The following KCTD19 variants were observed in gnomAD, a reference collection of about 807,000 sequenced individuals.
KCTD19 encodes BTB/POZ domain-containing protein KCTD19.
KCTD19 carries 67 observed loss-of-function variants against 103.5 expected under a neutral mutation model. The ratio of observed to expected loss-of-function variants is 0.65; its 90% CI spans 0.53 to 0.79. The LOEUF (loss-of-function observed/expected upper bound fraction) is 0.79, where lower values mean the gene tolerates loss of function less well. KCTD19 is among the 30% of genes least tolerant of loss of function. The pLI, the probability that KCTD19 is intolerant of heterozygous loss-of-function variation, is 0.00. For synonymous variants in KCTD19, 439 were observed against 452.2 expected, an observed-to-expected ratio of 0.97 and a Z score of 0.37; for missense variants, 980 against 1,136.1, an observed-to-expected ratio of 0.86 and a Z score of 1.98.
intron 4 of KCTD19, 40 bp from the exon 5 acceptor site, chr16:67,301,962 A>G: frequency 6.2e-7 from 1 of 1,609,206 alleles, no homozygotes; most frequent in Non-Finnish European, 8.5e-7. Context: ...TAATGAGGCT[A>G]TTTCTGGTTT....
chr16:67,297,520 G>A lies in KCTD19; in HGVS notation c.1130C>T (p.Ala377Val), dbSNP rs2036778779. 2 of 1,614,056 alleles carry A rather than the reference G, an allele frequency of 1.2e-6. No homozygotes were observed. Among genetic ancestry groups the A allele is most frequent in the East Asian group, 4.5e-5 (2 of 44,878 alleles). Residue 377 changes from alanine (A) to valine (V), a missense_variant, in exon 7 of 16, where the codon GCA becomes GTA. Transcript: ENST00000304372. Reference sequence around the variant, plus strand: ...TCACTTACTGAGCACATCCATGGGTGCCAAAGTCCTTGGCTCCAGATGAGT... The same window carrying A: ...TCACTTACTGAGCACATCCATGGGTACCAAAGTCCTTGGCTCCAGATGAGT... ...LKTHLEPRTL[A>V]PMDVLNEWTA...
chr16:67,309,692 C>T (rs541915445), intron 2 of KCTD19, among the ~76,000 whole-genome samples: 4 of 152,194 alleles, frequency 2.6e-5, no homozygotes, highest in South Asian at 4.2e-4. Context: ...AAATTGGCCA[C>T]GTGGGAGAAG....
intron 5 of KCTD19, 64 bp from the exon 6 acceptor site, chr16:67,299,637 G>C: frequency 7.0e-7 from 1 of 1,422,234 alleles, no homozygotes; most frequent in Non-Finnish European, 9.7e-7. Context: ...TGGAGGCTTT[G>C]GGGCTCGGTT....
intron 2 of KCTD19, among the ~76,000 whole-genome samples, chr16:67,309,228 C>T (rs1263290814): frequency 6.6e-6 from 1 of 151,888 alleles, no homozygotes; most frequent in African/African-American, 2.4e-5. Flanking sequence ...GGGAGATCTC[C>T]AAAGAAGCGA....
chr16:67,299,598 T>G (rs370864703), intron 5 of KCTD19, 25 bp from the exon 6 acceptor site: 17 of 1,594,454 alleles, frequency 1.1e-5, no homozygotes, highest in Admixed American at 6.7e-5. Context: ...AAGGGGTGAC[T>G]CCTAGGCCCC....
chr16:67,305,936 G>A (rs2036888000), intron 2 of KCTD19, among the ~76,000 whole-genome samples: 1 of 152,150 alleles, frequency 6.6e-6, no homozygotes, highest in South Asian at 2.1e-4. Flanking sequence ...AAAGAAGGCG[G>A]GCCAGAGTGG....
At position 67,291,435 on chromosome 16, in the gene KCTD19, G is replaced by A; in HGVS notation, c.2439C>T (p.Ser813=). The part of the protein sequence containing the change: ...QEVTFLSFSL[S]WEEMFYAQKC... ...TCTGTGCATAAAACATCTCTTCCCA[G>A]GACAGAGAGAAACTCAGGAAAGTCA... The change falls in exon 14 of 16, where the codon TCC becomes TCT. Residue 813 remains serine, a synonymous_variant. Coordinates refer to ENST00000304372, the MANE Select transcript of KCTD19 (RefSeq NM_001100915.3). The A allele has an allele frequency of 6.2e-7, 1 of 1,614,092 alleles. No homozygotes were observed. The highest frequency in any genetic ancestry group is 8.5e-7 in the Non-Finnish European group (1 of 1,179,968).
At chr16:67,289,747 G>GAGAACCCCACCCACA in intron 15 of KCTD19, 65 bp from the exon 16 acceptor site, 1 of 1,255,424 alleles carries the variant, frequency 8.0e-7, no homozygotes, top group Non-Finnish European at 1.2e-6. Context: ...CTCCATGTGG[G>GAGAACCCCACCCACA]TGGGGTTCTC....
chr16:67,296,169 G>A lies in KCTD19; in HGVS notation c.1238C>T (p.Thr413Ile), dbSNP rs750569292. 1.9e-6 allele frequency: 3 copies of A among 1,605,878 alleles called. No homozygotes were observed. The highest frequency in any genetic ancestry group is 2.6e-6 in the Non-Finnish European group (3 of 1,172,584). Reference sequence around the variant, plus strand: ...CGAGGCCGTCAGTACCTTCAGCAGTGTCTGCAGGGTGGTTGCGTACCAGTG... The same window carrying A: ...CGAGGCCGTCAGTACCTTCAGCAGTATCTGCAGGGTGGTTGCGTACCAGTG... ...GSHWYATTLQ[T>I]LLKYPELLSN... Residue 413 changes from threonine (T) to isoleucine (I), a missense_variant, in exon 8 of 16, where the codon ACA becomes ATA. By Grantham distance (89) the Thr-to-Ile change is moderately conservative (BLOSUM62 -1). Coordinates refer to ENST00000304372, the MANE Select transcript of KCTD19 (RefSeq NM_001100915.3).
chr16:67,299,752 C>T (rs191600780), intron 5 of KCTD19, 179 bp from the exon 6 acceptor site: 66 of 593,004 alleles, frequency 1.1e-4, no homozygotes, highest in African/African-American at 1.1e-3. Context: ...TTTGTATACT[C>T]AGGCTTAGAA....
intron 8 of KCTD19, chr16:67,295,780 C>G (rs888351493): frequency 6.2e-6 from 2 of 322,940 alleles, no homozygotes; most frequent in African/African-American, 4.2e-5. Flanking sequence ...AGTCACACTC[C>G]GTCACCCAGG....
intron 2 of KCTD19, among the ~76,000 whole-genome samples, chr16:67,315,394 A>C (rs1477673818): frequency 7.4e-6 from 1 of 135,002 alleles, no homozygotes; most frequent in Non-Finnish European, 1.6e-5. Context: ...CAACCTCCAC[A>C]TCCTGGATTC....
chr16:67,314,139 G>A (rs2036977731), intron 2 of KCTD19, among the ~76,000 whole-genome samples: 1 of 151,574 alleles, frequency 6.6e-6, no homozygotes, highest in African/African-American at 2.4e-5. Context: ...TTACAGGTGT[G>A]AGCCACCGTG....
Position 67,291,781 on chromosome 16 carries a change from C to T in KCTD19, c.2275G>A (p.Val759Ile). 6.2e-7 allele frequency: 1 copy of T among 1,614,028 alleles called. No individual in the cohort carries two copies. The highest frequency in any genetic ancestry group is 8.5e-7 in the Non-Finnish European group (1 of 1,179,970). Reference sequence around the variant, plus strand: ...GGGGGGTGAGTCACTTTGAGGATAACCCCTAGGCTGTCCACCTCACTGGCC... The same window carrying T: ...GGGGGGTGAGTCACTTTGAGGATAATCCCTAGGCTGTCCACCTCACTGGCC... ...PEASEVDSLGVILKVTHPPVV... is the reference protein window; with the variant it reads ...PEASEVDSLGIILKVTHPPVV... The change falls in exon 13 of 16, where the codon GTT becomes ATT. Residue 759 changes from valine to isoleucine, a missense_variant. By Grantham distance (29) the Val-to-Ile change is conservative (BLOSUM62 3). Transcript: ENST00000304372.
Position 67,294,027 on chromosome 16 carries a change from C to T in KCTD19, c.1735G>A (p.Ala579Thr). Residue 579 changes from alanine (A) to threonine (T), a missense_variant, in exon 12 of 16, where the codon GCC becomes ACC. Ala to Thr is a moderately conservative substitution (Grantham distance 58). Coordinates refer to ENST00000304372, the MANE Select transcript of KCTD19 (RefSeq NM_001100915.3). ...GTGCTAGGGTTGCCAGCCCTCTTGG[C>T]ATTTCGGCATAGGGACACCTGGATG... is the stretch of plus-strand genomic sequence containing the variant. ...RPIQVSLCRN[A>T]KRAGNPSTYS... The T allele has an allele frequency of 6.2e-7, 1 of 1,614,184 alleles. No individual in the cohort carries two copies. Among genetic ancestry groups the T allele is most frequent in the East Asian group, 2.2e-5 (1 of 44,872 alleles).
intron 10 of KCTD19, 74 bp downstream of exon 10, chr16:67,294,899 G>T: frequency 8.1e-7 from 1 of 1,233,264 alleles, no homozygotes. Flanking sequence ...CTAGGAGTAG[G>T]ACTTAGGACA....
intron 1 of KCTD19, among the ~76,000 whole-genome samples, chr16:67,326,459 C>T (rs887548636): frequency 1.1e-4 from 16 of 152,114 alleles, no homozygotes; most frequent in Admixed American, 6.5e-4. Flanking sequence ...GTCAAAGGGG[C>T]ACACGCCCAG....
chr16:67,320,946 G>C lies in KCTD19; in HGVS notation c.4-61C>G. 1 of 1,386,514 alleles carries C rather than the reference G, an allele frequency of 7.2e-7. No individual in the cohort carries two copies. The highest frequency in any genetic ancestry group is 9.8e-7 in the Non-Finnish European group (1 of 1,018,264). The allele number at this position is 1,386,514 out of a possible 1,614,324, so 85.9% of individuals were successfully genotyped here. ...AAAGAAATAAAAAGGCATCCAGATT[G>C]AAAAGGTAGAAATAAACTATCTCTG... On this transcript the variant is annotated intron_variant, in intron 1 of 15. Transcript: ENST00000304372. The surrounding 1 kb of genome is among the most constrained non-coding windows in gnomAD (Gnocchi z 4.0).
rs1421393282 is a variant in KCTD19 at position 67,293,617 on chromosome 16, G to A, written c.2145C>T (p.Thr715=). Residue 715 remains threonine, a synonymous_variant, in exon 12 of 16, where the codon ACC becomes ACT. Coordinates refer to ENST00000304372, the MANE Select transcript of KCTD19 (RefSeq NM_001100915.3). The surrounding 1 kb of genome is among the most constrained non-coding windows in gnomAD (Gnocchi z 4.0). ...AGAKDKGPEP[T]FKPYLPPKRA... is the part of the protein sequence containing the mutation. Reference sequence around the variant, plus strand: ...TTTTTGGGGGTAAGTATGGCTTGAAGGTTGGCTCTGGCCCCTTGTCTTTCG... The same window carrying A: ...TTTTTGGGGGTAAGTATGGCTTGAAAGTTGGCTCTGGCCCCTTGTCTTTCG... 6.2e-7 allele frequency: 1 copy of A among 1,614,042 alleles called. No homozygotes were observed. Among genetic ancestry groups the A allele is most frequent in the Non-Finnish European group, 8.5e-7 (1 of 1,179,998 alleles).
Sources: allele counts gnomAD v4.1 joint callset (sites outside exome capture counted in the v4.1 genomes callset), GRCh38; gene constraint gnomAD v4.1.1; non-coding constraint Gnocchi (gnomAD v3.1); transcripts MANE v1.5; gene names NCBI Gene and HGNC (gene_info 2026-07-23, HGNC 2026-07-21).